The following POU6F2 variants were observed in gnomAD, a reference collection of about 807,000 sequenced individuals.
POU6F2 encodes the protein POU domain, class 6, transcription factor 2.
POU6F2 carries 31 observed loss-of-function variants against 71.3 expected under a neutral mutation model. The ratio of observed to expected loss-of-function variants is 0.43; its 90% CI spans 0.33 to 0.59. POU6F2 has a LOEUF of 0.59. POU6F2 is among the 20% of genes least tolerant of loss of function. POU6F2 has a pLI of 0.04. For synonymous variants in POU6F2, 347 were observed against 355.7 expected, an observed-to-expected ratio of 0.98 and a Z score of 0.27; for missense variants, 783 against 856.8, an observed-to-expected ratio of 0.91 and a Z score of 1.07.
At chr7:39,294,181 G>A (rs1464853954) in intron 4 of POU6F2, among the ~76,000 whole-genome samples, 1 of 151,552 alleles carries the variant, frequency 6.6e-6, no homozygotes, top group African/African-American at 2.4e-5. Context: ...TCAGAAACCT[G>A]AAACCATGAT....
chr7:39,408,990 T>C (rs903565004), intron 6 of POU6F2, among the ~76,000 whole-genome samples: 6 of 152,206 alleles, frequency 3.9e-5, no homozygotes, highest in Non-Finnish European at 8.8e-5. Context: ...GCAAAAATTT[T>C]GTGTTTTTTG....
At chr7:39,035,062 CATATGTATTATAT>C (rs910210102) in intron 1 of POU6F2, among the ~76,000 whole-genome samples, 5 of 151,558 alleles carry the variant, frequency 3.3e-5, no homozygotes, top group African/African-American at 4.8e-5. Flanking sequence ...CAGACACACA[CATATGTATTATAT>C]ATGTGTGTAT....
At chr7:39,414,802 T>C (rs981649337) in intron 6 of POU6F2, among the ~76,000 whole-genome samples, 1 of 152,052 alleles carries the variant, frequency 6.6e-6, no homozygotes, top group African/African-American at 2.4e-5. Context: ...CTGAACTCTT[T>C]CTTTCTACCC....
rs190401907 is a variant in POU6F2, at chr7:39,409,422, G to A, written c.1113+2682G>A. ...TTCCTCTAGATTCTTTTGGCTACCC[G>A]GAAACAAAAAGCAAGATTCATTAGT... On this transcript the variant is annotated intron_variant, in intron 6 of 9. Transcript: ENST00000518318. 5.9e-4 allele frequency among the ~76,000 whole-genome samples: 90 copies of A among 152,154 alleles called. 1 individual carries two copies. Among genetic ancestry groups the A allele is most frequent in the Admixed American group, 1.6e-3 (24 of 15,294 alleles).
chr7:39,134,519 A>C (rs1445777952), intron 2 of POU6F2, among the ~76,000 whole-genome samples: 3 of 152,206 alleles, frequency 2.0e-5, no homozygotes, highest in African/African-American at 7.2e-5. Context: ...CTGTCTTTAC[A>C]TTGGAGCTCA....
intron 4 of POU6F2, among the ~76,000 whole-genome samples, chr7:39,242,355 A>C (rs1364951346): frequency 6.7e-6 from 1 of 148,256 alleles, no homozygotes; most frequent in African/African-American, 2.5e-5. Context: ...TCCTGTCAGC[A>C]CTTCATGTTG....
At chr7:39,013,215 G>A (rs1789365630) in intron 1 of POU6F2, 1 of 153,920 alleles carries the variant, frequency 6.5e-6, no homozygotes, top group African/African-American at 2.4e-5. Flanking sequence ...GCCAGGTGCG[G>A]GATATAATCT....
intron 2 of POU6F2, among the ~76,000 whole-genome samples, chr7:39,134,002 G>A (rs111248828): frequency 0.036 from 5,410 of 152,100 alleles, 311 homozygotes; most frequent in African/African-American, 0.12. Context: ...AGCCTCCTGA[G>A]TAGCTGGAAC....
intron 4 of POU6F2, among the ~76,000 whole-genome samples, chr7:39,238,252 G>A (rs2128750989): frequency 6.6e-6 from 1 of 152,254 alleles, no homozygotes; most frequent in Admixed American, 6.5e-5. Flanking sequence ...GTGGGCTGCA[G>A]CGGAGATTAG....
chr7:39,199,619 C>T (rs982363179), intron 2 of POU6F2, among the ~76,000 whole-genome samples: 1 of 152,168 alleles, frequency 6.6e-6, no homozygotes, highest in African/African-American at 2.4e-5. Flanking sequence ...AGGCTTGGTC[C>T]TCAGGAGGGC....
chr7:39,434,504 A>C (rs777249394), intron 7 of POU6F2, among the ~76,000 whole-genome samples: 24 of 152,042 alleles, frequency 1.6e-4, no homozygotes, highest in Non-Finnish European at 3.1e-4. Flanking sequence ...GCATACAGTA[A>C]GCACTAACAT....
intron 2 of POU6F2, among the ~76,000 whole-genome samples, chr7:39,129,242 A>G (rs1792205448): frequency 6.6e-6 from 1 of 152,180 alleles, no homozygotes; most frequent in South Asian, 2.1e-4. Flanking sequence ...AGCAACTCCA[A>G]AGATGTGAGT....
At chr7:39,462,779 G>A (rs1788979691) in intron 9 of POU6F2, among the ~76,000 whole-genome samples, 2 of 152,238 alleles carry the variant, frequency 1.3e-5, no homozygotes, top group East Asian at 1.9e-4. Flanking sequence ...TGGAAGCTGG[G>A]TTTTTCAAAA....
intron 2 of POU6F2, among the ~76,000 whole-genome samples, chr7:39,091,636 G>T (rs1295283422): frequency 6.6e-6 from 1 of 152,126 alleles, no homozygotes; most frequent in Non-Finnish European, 1.5e-5. Flanking sequence ...CAGTGTTTTT[G>T]TAGTTCACCC....
At chr7:39,441,211 G>C (rs988937310) in intron 7 of POU6F2, among the ~76,000 whole-genome samples, 3 of 151,038 alleles carry the variant, frequency 2.0e-5, no homozygotes, top group Non-Finnish European at 4.4e-5. Flanking sequence ...CGTGTAAAAG[G>C]TATTTTTAAA....
chr7:38,987,750 C>T (rs1476306401), intron 1 of POU6F2, among the ~76,000 whole-genome samples: 3 of 152,056 alleles, frequency 2.0e-5, no homozygotes, highest in African/African-American at 7.2e-5. Flanking sequence ...TGTCTCTGCT[C>T]GTTCTCTTTA....
At chr7:39,054,885 T>C (rs565185618) in intron 1 of POU6F2, among the ~76,000 whole-genome samples, 43 of 151,544 alleles carry the variant, frequency 2.8e-4, no homozygotes, top group Middle Eastern at 3.4e-3. Flanking sequence ...GCTGCAGAAG[T>C]TGAGGATAAC....
chr7:38,992,458 G>T (rs1009721961), intron 1 of POU6F2, among the ~76,000 whole-genome samples: 2 of 152,154 alleles, frequency 1.3e-5, no homozygotes, highest in African/African-American at 4.8e-5. Flanking sequence ...CTTATTTTTA[G>T]GAAGTCATAA....
At chr7:39,073,576 G>A (rs1458959864) in intron 1 of POU6F2, among the ~76,000 whole-genome samples, 1 of 152,164 alleles carries the variant, frequency 6.6e-6, no homozygotes, top group Non-Finnish European at 1.5e-5. Flanking sequence ...ACAGTCAAGG[G>A]TCACCCTTGG....
Sources: allele counts gnomAD v4.1 joint callset (sites outside exome capture counted in the v4.1 genomes callset), GRCh38; gene constraint gnomAD v4.1.1; transcripts MANE v1.5; gene names NCBI Gene and HGNC (gene_info 2026-07-23, HGNC 2026-07-21).